The following P2RY12 variants were observed in gnomAD, a reference collection of about 807,000 sequenced individuals.
P2RY12 encodes the protein purinergic receptor P2Y12, also known as P2Y purinoceptor 12.
P2RY12 carries 3 observed loss-of-function variants against 4.5 expected under a neutral mutation model. That is an observed-to-expected ratio of 0.67 (90% CI 0.31 to 1.74). The LOEUF (loss-of-function observed/expected upper bound fraction) is 1.74. Among genes scored for constraint, P2RY12 ranks in the 40% most tolerant of loss-of-function variants. The pLI, the probability that P2RY12 is intolerant of heterozygous loss-of-function variation, is 0.09. For synonymous variants in P2RY12, 148 were observed against 154.1 expected, an observed-to-expected ratio of 0.96 and a Z score of 0.29; for missense variants, 356 against 407.8, an observed-to-expected ratio of 0.87 and a Z score of 1.09.
At chr3:151,376,456 T>C (rs1756866706) in intron 1 of P2RY12, among the ~76,000 whole-genome samples, 1 of 152,198 alleles carries the variant, frequency 6.6e-6, no homozygotes, top group African/African-American at 2.4e-5. Flanking sequence ...ATGAGAAATA[T>C]GCTTCAGAGA....
At chr3:151,357,495 T>C in intron 1 of P2RY12, 1 of 848,592 alleles carries the variant, frequency 1.2e-6, no homozygotes, top group Non-Finnish European at 1.7e-6. Flanking sequence ...TAAAACATGG[T>C]TAAAGAACAC....
intron 1 of P2RY12, among the ~76,000 whole-genome samples, chr3:151,349,462 G>T (rs1752960397): frequency 6.6e-6 from 1 of 152,152 alleles, no homozygotes; most frequent in South Asian, 2.1e-4. Flanking sequence ...AATATATATA[G>T]TTTTGTAGAG....
chr3:151,360,438 T>A (rs1754472189), intron 1 of P2RY12: 2 of 1,595,902 alleles, frequency 1.3e-6, no homozygotes, highest in Admixed American at 3.4e-5. Context: ...ATAGTACAAA[T>A]CTATGTCTTA....
At chr3:151,368,677 GTCATTTCATTTTATTTCATTTCATT>G (rs1216271556) in intron 1 of P2RY12, among the ~76,000 whole-genome samples, 2,137 of 95,376 alleles carry the variant, frequency 0.022, 127 homozygotes, top group African/African-American at 0.075. Context: ...TTCATTTCAT[GTCATTTCATTTTATTTCATTTCATT>G]TCATTTCATT....
At chr3:151,374,413 T>C (rs1437622034) in intron 1 of P2RY12, among the ~76,000 whole-genome samples, 1 of 152,054 alleles carries the variant, frequency 6.6e-6, no homozygotes, top group African/African-American at 2.4e-5. Context: ...CCAGGTGTGG[T>C]GGCACATGCC....
intron 1 of P2RY12, among the ~76,000 whole-genome samples, chr3:151,358,588 A>C (rs557694014): frequency 6.7e-6 from 1 of 149,134 alleles, no homozygotes; most frequent in South Asian, 2.1e-4. Flanking sequence ...TTTTGTTTTT[A>C]ATATTGTTAT....
chr3:151,384,521 G>C (rs563300786), intron 1 of P2RY12, among the ~76,000 whole-genome samples, 171 bp downstream of exon 1: 1 of 152,186 alleles, frequency 6.6e-6, no homozygotes, highest in Admixed American at 6.5e-5. Context: ...ATAACTCTAT[G>C]CTTGGACTGG....
At chr3:151,374,029 A>G (rs1271552271) in intron 1 of P2RY12, among the ~76,000 whole-genome samples, 1 of 152,166 alleles carries the variant, frequency 6.6e-6, no homozygotes, top group African/African-American at 2.4e-5. Context: ...TGATACCTTC[A>G]ATTCCAATCC....
Position 151,367,844 on chromosome 3 carries a change from G to A in P2RY12, c.-180+16848C>T, listed in dbSNP as rs1230353736. The A allele has an allele frequency of 2.2e-5, 33 of 1,490,374 alleles. 1 individual carries two copies. The Admixed American group carries it at 5.9e-4, about 27-fold the overall frequency. 92.3% of individuals were successfully genotyped at this position (1,490,374 alleles called of 1,614,324 possible). On this transcript the variant is annotated intron_variant, in intron 1 of 2. Coordinates refer to ENST00000302632, the MANE Select transcript of P2RY12 (RefSeq NM_022788.5). ...GTGGTTTCTAACATTACAACACAGGGAAAGGAGTATTTGAGGGTATGTATA... is the reference window on the plus strand; with the variant it reads ...GTGGTTTCTAACATTACAACACAGGAAAAGGAGTATTTGAGGGTATGTATA...
intron 1 of P2RY12, among the ~76,000 whole-genome samples, chr3:151,360,823 GT>G (rs1012258696): frequency 6.6e-6 from 1 of 151,786 alleles, no homozygotes; most frequent in Non-Finnish European, 1.5e-5. Context: ...GTGATCATAG[GT>G]TTTTTTTCCC....
chr3:151,369,081 G>A (rs1478077883), intron 1 of P2RY12, among the ~76,000 whole-genome samples: 1 of 152,116 alleles, frequency 6.6e-6, no homozygotes, highest in African/African-American at 2.4e-5. Context: ...CTTGTACTAA[G>A]TAAAAGGAAT....
At chr3:151,380,600 A>C (rs1449631827) in intron 1 of P2RY12, among the ~76,000 whole-genome samples, 1 of 52,968 alleles carries the variant, frequency 1.9e-5, no homozygotes, top group Admixed American at 1.6e-4. Flanking sequence ...TCTGTCTCAA[A>C]AAAAAAAAAA....
intron 1 of P2RY12, among the ~76,000 whole-genome samples, chr3:151,350,609 A>G (rs73006586): frequency 0.027 from 4,176 of 152,192 alleles, 183 homozygotes; most frequent in African/African-American, 0.096. Flanking sequence ...GCTTGTGGTT[A>G]GTTTTTTTTC....
chr3:151,369,217 T>C (rs1321644185), intron 1 of P2RY12, among the ~76,000 whole-genome samples: 3 of 152,150 alleles, frequency 2.0e-5, no homozygotes, highest in African/African-American at 7.2e-5. Flanking sequence ...TTGATGTAGC[T>C]CTCTGAGGAG....
rs369709197 is a variant in P2RY12, at chr3:151,376,675, CAT to C, written c.-180+8015_-180+8016del. The C allele has an allele frequency of 2.7e-3, 2,103 of 775,674 alleles. 6 individuals carry two copies. The highest frequency in any genetic ancestry group is 3.6e-3 in the Non-Finnish European group (1,699 of 474,062). The allele number at this position is 775,674 out of a possible 1,614,324, so 48.0% of individuals were successfully genotyped here. A position where few individuals can be genotyped will look rare whatever the true frequency, so the allele number is the denominator to read the frequency against. ...CAGCAAGATTGGGAACCTTTTGACTCATATAAATTATTTCATTGTGTATGATT... is the reference window on the plus strand; with the variant it reads ...CAGCAAGATTGGGAACCTTTTGACTCATAAATTATTTCATTGTGTATGATT... On this transcript the variant is annotated intron_variant, in intron 1 of 2. Coordinates refer to ENST00000302632, the MANE Select transcript of P2RY12 (RefSeq NM_022788.5).
intron 1 of P2RY12, chr3:151,369,604 A>G: frequency 1.7e-6 from 2 of 1,166,998 alleles, no homozygotes; most frequent in African/African-American, 1.5e-5. Flanking sequence ...TGAAGGCAAA[A>G]TAATTTATTT....
intron 1 of P2RY12, among the ~76,000 whole-genome samples, chr3:151,370,497 G>A (rs1311549320): frequency 6.6e-6 from 1 of 152,150 alleles, no homozygotes; most frequent in Non-Finnish European, 1.5e-5. Context: ...CTTAAGAAAG[G>A]ATACACACAC....
At chr3:151,362,403 A>T (rs572184818) in intron 1 of P2RY12, among the ~76,000 whole-genome samples, 1 of 151,916 alleles carries the variant, frequency 6.6e-6, no homozygotes, top group African/African-American at 2.4e-5. Flanking sequence ...TACTGATCAA[A>T]CACTCTAAGA....
chr3:151,337,704 G>C lies in P2RY12; in HGVS notation c.*113C>G. The C allele has an allele frequency of 1.9e-6, 2 of 1,042,186 alleles. No homozygotes were observed. Among genetic ancestry groups the C allele is most frequent in the East Asian group, 2.4e-5 (1 of 41,502 alleles). The allele number at this position is 1,042,186 out of a possible 1,614,324, so 64.6% of individuals were successfully genotyped here. ...GCTTTTGTAATCTTCTGTTTCTTTA[G>C]AGTCATTATTATTAACTTAGTTGCT... On this transcript the variant is annotated 3_prime_UTR_variant, in exon 3 of 3. Transcript: ENST00000302632.
Sources: gnomAD v4.1 joint callset for allele counts (sites outside exome capture counted in the v4.1 genomes callset) on GRCh38, gnomAD v4.1.1 for gene constraint, MANE v1.5 for transcripts, NCBI Gene and HGNC (gene_info 2026-07-23, HGNC 2026-07-21) for gene names.